Variants in PARVA observed in about 807,000 individuals in gnomAD.
PARVA encodes the protein alpha-parvin.
A neutral mutation model predicts 52.6 loss-of-function variants in PARVA; 25 were observed. The observed-to-expected ratio is 0.48, with a 90% CI of 0.35 to 0.66. PARVA has a LOEUF of 0.66. Among genes scored for constraint, PARVA ranks in the 30% least tolerant of loss-of-function variants. The pLI is 0.01. For synonymous variants in PARVA, 185 were observed against 179.1 expected, an observed-to-expected ratio of 1.03 and a Z score of -0.26; for missense variants, 373 against 450.9, an observed-to-expected ratio of 0.83 and a Z score of 1.56.
intron 1 of PARVA, among the ~76,000 whole-genome samples, chr11:12,407,853 G>A (rs1199751277): frequency 6.6e-6 from 1 of 152,182 alleles, no homozygotes; most frequent in Admixed American, 6.5e-5. Context: ...ACCTCATAAG[G>A]AGTAGGTCTC....
intron 1 of PARVA, among the ~76,000 whole-genome samples, chr11:12,455,454 T>A (rs1319915542): frequency 6.6e-6 from 1 of 152,226 alleles, no homozygotes; most frequent in East Asian, 1.9e-4. Context: ...TCTAGTGTCA[T>A]TATTAACTCA....
chr11:12,385,475 G>A (rs2134947277), intron 1 of PARVA, among the ~76,000 whole-genome samples: 1 of 152,310 alleles, frequency 6.6e-6, no homozygotes, highest in South Asian at 2.1e-4. Flanking sequence ...AAGATCGGTT[G>A]GCAGCTAAGA....
intron 1 of PARVA, among the ~76,000 whole-genome samples, chr11:12,453,978 C>T (rs749133839): frequency 4.6e-5 from 7 of 152,150 alleles, no homozygotes; most frequent in African/African-American, 9.7e-5. Flanking sequence ...CCCTTCCTAA[C>T]GGATGAATGT....
At chr11:12,425,212 T>C (rs889471449) in intron 1 of PARVA, among the ~76,000 whole-genome samples, 2 of 152,182 alleles carry the variant, frequency 1.3e-5, no homozygotes, top group African/African-American at 2.4e-5. Context: ...TCTCTGTCAT[T>C]TGTCTGTGTT....
chr11:12,513,500 T>C lies in PARVA; in HGVS notation c.798+140T>C, dbSNP rs758370510. On this transcript the variant is annotated intron_variant, in intron 9 of 12. Transcript: ENST00000334956. ...TCTGCACACACAGGGCTTTCCCCCTTGCCATCCATGTACCTGTCTGTTCCT... is the reference window on the plus strand; with the variant it reads ...TCTGCACACACAGGGCTTTCCCCCTCGCCATCCATGTACCTGTCTGTTCCT... 7.5e-6 allele frequency: 6 copies of C among 797,334 alleles called. No individual in the cohort carries two copies. In the African/African-American group the frequency reaches 1.0e-4, roughly 13 times the overall value. The allele number at this position is 797,334 out of a possible 1,614,324, so 49.4% of individuals were successfully genotyped here.
chr11:12,403,785 A>T (rs909603226), intron 1 of PARVA, among the ~76,000 whole-genome samples: 1 of 152,180 alleles, frequency 6.6e-6, no homozygotes, highest in Non-Finnish European at 1.5e-5. Flanking sequence ...ACCTCCCAAC[A>T]TCAGGTTCTG....
rs763744460 is a variant in PARVA, at chr11:12,477,858, C to T, written c.309C>T (p.Asp103=). ...CTCTCTCTCTGTAGGTATTAATTGA[C>T]TGGATTAATGATGTGTTGGTTGGAG... ...KLQELMKVLI[D]WINDVLVGER... The change falls in exon 4 of 13, where the codon GAC becomes GAT. Residue 103 remains aspartate, a synonymous_variant. Transcript: ENST00000334956. The T allele has an allele frequency of 6.4e-7, 1 of 1,572,748 alleles. No individual in the cohort carries two copies. Among genetic ancestry groups the T allele is most frequent in the Non-Finnish European group, 8.8e-7 (1 of 1,142,322 alleles).
At chr11:12,377,310 G>A, upstream of PARVA, 1 of 753,066 alleles carries the variant, frequency 1.3e-6, no homozygotes, top group Non-Finnish European at 1.9e-6. Flanking sequence ...GACAGAGCCT[G>A]GGTAAATGAA....
At chr11:12,504,942 C>G (rs936671855) in intron 6 of PARVA, among the ~76,000 whole-genome samples, 1 of 152,002 alleles carries the variant, frequency 6.6e-6, no homozygotes, top group African/African-American at 2.4e-5. Flanking sequence ...GAGAGAGACC[C>G]CAACTGGCCA....
intron 1 of PARVA, among the ~76,000 whole-genome samples, chr11:12,432,303 T>C (rs1221734940): frequency 1.3e-5 from 2 of 152,256 alleles, no homozygotes; most frequent in Admixed American, 6.5e-5. Context: ...GAAAATAATG[T>C]GCATGTTTAG....
At chr11:12,460,072 A>G (rs144826419) in intron 1 of PARVA, among the ~76,000 whole-genome samples, 3 of 152,348 alleles carry the variant, frequency 2.0e-5, no homozygotes, top group African/African-American at 7.2e-5. Context: ...CTGTGTTCCC[A>G]TGCCTTCACA....
chr11:12,422,995 A>G (rs1247752415), intron 1 of PARVA, among the ~76,000 whole-genome samples: 1 of 152,098 alleles, frequency 6.6e-6, no homozygotes, highest in Non-Finnish European at 1.5e-5. Context: ...CTGGGATTAC[A>G]GGCTCCTGCC....
intron 12 of PARVA, among the ~76,000 whole-genome samples, chr11:12,525,451 C>G (rs1941688485): frequency 6.6e-6 from 1 of 152,086 alleles, no homozygotes; most frequent in Admixed American, 6.5e-5. Flanking sequence ...GAGCTCCAGG[C>G]CCACTTTACC....
chr11:12,406,308 G>C (rs1015163544), intron 1 of PARVA, among the ~76,000 whole-genome samples: 3 of 152,190 alleles, frequency 2.0e-5, no homozygotes, highest in Admixed American at 1.3e-4. Flanking sequence ...TGACTGATTG[G>C]ATGAGGTCCA....
chr11:12,391,493 G>C (rs765712374), intron 1 of PARVA, among the ~76,000 whole-genome samples: 5 of 152,198 alleles, frequency 3.3e-5, no homozygotes, highest in Non-Finnish European at 5.9e-5. Context: ...ATGCTCTTGT[G>C]TGAAAAAGAA....
chr11:12,505,893 G>A (rs941983315), intron 6 of PARVA, among the ~76,000 whole-genome samples: 8 of 152,192 alleles, frequency 5.3e-5, no homozygotes, highest in Non-Finnish European at 8.8e-5. Context: ...CCATAGGTGG[G>A]AGCACAGAGG....
At chr11:12,476,465 C>T (rs1386554130) in intron 3 of PARVA, among the ~76,000 whole-genome samples, 1 of 151,916 alleles carries the variant, frequency 6.6e-6, no homozygotes, top group East Asian at 1.9e-4. Flanking sequence ...TGCATTCCAG[C>T]CTGGGCAACA....
intron 1 of PARVA, among the ~76,000 whole-genome samples, chr11:12,460,438 C>G (rs920804542): frequency 2.6e-5 from 4 of 151,952 alleles, no homozygotes; most frequent in African/African-American, 7.3e-5. Flanking sequence ...TGTAAAAAAC[C>G]AAGTGTTATA....
At position 12,530,146 on chromosome 11, in the gene PARVA, A is replaced by T. The variant is rs1057021221; in HGVS notation, c.*2221A>T. 2.0e-5 allele frequency: 3 copies of T among 152,234 alleles called. No individual in the cohort carries two copies. Among genetic ancestry groups the T allele is most frequent in the African/African-American group, 7.2e-5 (3 of 41,466 alleles). 9.4% of individuals were successfully genotyped at this position (152,234 alleles called of 1,614,324 possible). ...TTTTACATATATACAGTATGAAAAT[A>T]CATTGGAACACTAGGAAAGTTTTTA... On this transcript the variant is annotated 3_prime_UTR_variant, in exon 13 of 13. Coordinates refer to ENST00000334956, the MANE Select transcript of PARVA (RefSeq NM_018222.5).
Sources: gnomAD v4.1 joint callset for allele counts (sites outside exome capture counted in the v4.1 genomes callset) on GRCh38, gnomAD v4.1.1 for gene constraint, MANE v1.5 for transcripts, NCBI Gene and HGNC (gene_info 2026-07-23, HGNC 2026-07-21) for gene names.